The following PKD1L3 variants were observed in gnomAD, a reference collection of about 807,000 sequenced individuals.
PKD1L3 encodes polycystin-1-like protein 3.
A neutral mutation model predicts 184.1 loss-of-function variants in PKD1L3; 239 were observed. That is an observed-to-expected ratio of 1.30 (90% CI 1.17 to 1.45). The LOEUF (loss-of-function observed/expected upper bound fraction) is 1.45, where lower values mean the gene tolerates loss of function less well. Ranked by LOEUF, PKD1L3 falls within the 40% of genes most tolerant of loss-of-function variation. PKD1L3 has a pLI of 0.00. For synonymous variants in PKD1L3, 996 were observed against 778.8 expected (o/e 1.28, Z -4.64); for missense variants, 2,660 against 2,067.2 (o/e 1.29, Z -5.56).
chr16:71,966,922 C>T (rs905869560), intron 15 of PKD1L3, among the ~76,000 whole-genome samples: 3 of 152,130 alleles, frequency 2.0e-5, no homozygotes, highest in African/African-American at 7.2e-5. Context: ...GAAAACAAAA[C>T]ATCTATTATT....
chr16:71,997,177 T>C (rs1469042786), intron 2 of PKD1L3, among the ~76,000 whole-genome samples: 2 of 152,182 alleles, frequency 1.3e-5, no homozygotes, highest in African/African-American at 2.4e-5. Context: ...TTTGTTCTGT[T>C]ATGAATAAAG....
In PKD1L3 at chr16:71,999,674, A is replaced by T. The variant is rs773083573; in HGVS notation, c.295+10T>A. ...GTTTCCTTCATAAACACTGAACCCCAGGGTCTTACCTGGGTATTTGTTGTC... is the reference window on the plus strand; with the variant it reads ...GTTTCCTTCATAAACACTGAACCCCTGGGTCTTACCTGGGTATTTGTTGTC... On this transcript the variant is annotated intron_variant, in intron 1 of 29. Coordinates refer to ENST00000620267, the MANE Select transcript of PKD1L3 (RefSeq NM_181536.2). 2 of 1,518,574 alleles carry T rather than the reference A, an allele frequency of 1.3e-6. No homozygotes were observed. The highest frequency in any genetic ancestry group is 2.8e-5 in the African/African-American group (2 of 72,018). 94.1% of individuals were successfully genotyped at this position (1,518,574 alleles called of 1,614,324 possible).
chr16:71,934,041 CTG>C lies in PKD1L3; in HGVS notation c.4696_4697del (p.Gln1566ValfsTer8), dbSNP rs1239396746. 9.7e-5 allele frequency: 151 copies of C among 1,551,700 alleles called. 1 individual carries two copies. Among genetic ancestry groups the C allele is most frequent in the Middle Eastern group, 1.7e-4 (1 of 6,014 alleles). On this transcript the variant is annotated frameshift_variant, in exon 27 of 30. Transcript: ENST00000620267. LOFTEE classifies it high-confidence loss of function. Reference protein sequence around the residue: ...VGFPVLLATVQLWNLLRHSPR... With the variant: ...VGFPVLLATVXLWNLLRHSPR... The stretch of plus-strand genomic sequence containing the variant: ...GGCTATGACGCAGCAGGTTCCATAA[CTG>C]AACAGTTGCCAGGAGAACCGGGAAG...
At chr16:71,980,814 A>G (rs1483001293) in intron 7 of PKD1L3, among the ~76,000 whole-genome samples, 3 of 152,156 alleles carry the variant, frequency 2.0e-5, no homozygotes, top group Non-Finnish European at 2.9e-5. Flanking sequence ...CAGCCTGGGC[A>G]ACAGAGCGAG....
At position 71,942,577 on chromosome 16, in the gene PKD1L3, A is replaced by C; in HGVS notation, c.4307T>G (p.Phe1436Cys). Residue 1436 changes from phenylalanine to cysteine, a missense_variant, in exon 24 of 30, where the codon TTC becomes TGC. Coordinates refer to ENST00000620267, the MANE Select transcript of PKD1L3 (RefSeq NM_181536.2). The stretch of plus-strand genomic sequence containing the variant: ...CCAGTTACCTCTCATGATGTAACTG[A>C]ATCCATTCTCATTCTTGCTTGTCAG... ...ERLTSKNENGFSYIMRGAFFT... is the reference protein window; with the variant it reads ...ERLTSKNENGCSYIMRGAFFT... The C allele has an allele frequency of 7.1e-6, 11 of 1,551,504 alleles. No individual in the cohort carries two copies. Among genetic ancestry groups the C allele is most frequent in the Non-Finnish European group, 9.6e-6 (11 of 1,146,892 alleles).
chr16:71,947,150 C>T (rs1237223419), intron 22 of PKD1L3, among the ~76,000 whole-genome samples: 1 of 151,840 alleles, frequency 6.6e-6, no homozygotes, highest in African/African-American at 2.4e-5. Flanking sequence ...CCCAGCTACT[C>T]GGAGGCTGAG....
At chr16:71,980,185 G>A (rs980230229) in intron 7 of PKD1L3, 51 bp from the exon 8 acceptor site, 1 of 1,526,110 alleles carries the variant, frequency 6.6e-7, no homozygotes, top group African/African-American at 1.4e-5. Context: ...AGTGTCTTAT[G>A]TTAGTAAAAT....
chr16:71,936,819 G>T (rs549472023), intron 25 of PKD1L3, among the ~76,000 whole-genome samples: 15 of 151,944 alleles, frequency 9.9e-5, no homozygotes, highest in Non-Finnish European at 1.9e-4. Context: ...TACTTGCTTG[G>T]TATTACTTCA....
intron 18 of PKD1L3, 90 bp downstream of exon 18, chr16:71,952,804 C>T: frequency 7.4e-7 from 1 of 1,354,730 alleles, no homozygotes; most frequent in Non-Finnish European, 9.9e-7. Flanking sequence ...CACCACTACA[C>T]TCCAGTCTGT....
intron 24 of PKD1L3, among the ~76,000 whole-genome samples, chr16:71,938,836 C>G (rs1224394395): frequency 6.6e-6 from 1 of 152,226 alleles, no homozygotes; most frequent in African/African-American, 2.4e-5. Context: ...CTCCACCTCT[C>G]TCACCCTCCA....
chr16:71,948,161 A>G (rs779336778), intron 21 of PKD1L3, among the ~76,000 whole-genome samples: 41 of 152,064 alleles, frequency 2.7e-4, no homozygotes, highest in African/African-American at 8.9e-4. Context: ...GGCTCAGTGC[A>G]ACCTCTGCCT....
intron 7 of PKD1L3, among the ~76,000 whole-genome samples, chr16:71,981,704 C>T (rs1006675788): frequency 2.0e-5 from 3 of 152,012 alleles, no homozygotes; most frequent in Non-Finnish European, 4.4e-5. Context: ...CAATGCCTGG[C>T]TCATTTTTGT....
At chr16:71,945,264 A>ATATAT (rs2038525089) in intron 22 of PKD1L3, among the ~76,000 whole-genome samples, 1 of 93,524 alleles carries the variant, frequency 1.1e-5, no homozygotes, top group Non-Finnish European at 2.1e-5. Context: ...TGAATTTCTT[A>ATATAT]ACTATATATA....
At chr16:71,998,642 G>T (rs184660949) in intron 1 of PKD1L3, among the ~76,000 whole-genome samples, 1 of 151,986 alleles carries the variant, frequency 6.6e-6, no homozygotes, top group African/African-American at 2.4e-5. Context: ...GTAGAGATGG[G>T]GTTTCACCAT....
intron 16 of PKD1L3, 74 bp from the exon 17 acceptor site, chr16:71,954,375 C>T: frequency 8.0e-7 from 1 of 1,246,596 alleles, no homozygotes; most frequent in South Asian, 1.6e-5. Context: ...ATGTGATTTG[C>T]CCAGCAACAA....
At chr16:71,965,360 G>A (rs1046494663) in intron 15 of PKD1L3, among the ~76,000 whole-genome samples, 1 of 152,136 alleles carries the variant, frequency 6.6e-6, no homozygotes, top group Non-Finnish European at 1.5e-5. Flanking sequence ...AGGTCTTGCA[G>A]TGGACACATG....
intron 4 of PKD1L3, among the ~76,000 whole-genome samples, chr16:71,988,586 T>C (rs1239290066): frequency 1.3e-5 from 2 of 152,304 alleles, no homozygotes; most frequent in South Asian, 4.1e-4. Context: ...TTGGGACCTG[T>C]GAAAGACTGC....
chr16:71,986,185 A>G, intron 5 of PKD1L3, 36 bp downstream of exon 5: 1 of 1,547,782 alleles, frequency 6.5e-7, no homozygotes, highest in Non-Finnish European at 8.7e-7. Flanking sequence ...TTTGGGGGTC[A>G]CAAAGCTACC....
rs373535530 is a variant in PKD1L3, at chr16:71,992,571, A to G, written c.535+645T>C. 1.8e-4 allele frequency among the ~76,000 whole-genome samples: 28 copies of G among 152,316 alleles called. No individual in the cohort carries two copies. In the East Asian group the frequency reaches 3.9e-3, roughly 21 times the overall value. On this transcript the variant is annotated intron_variant, in intron 3 of 29. Coordinates refer to ENST00000620267, the MANE Select transcript of PKD1L3 (RefSeq NM_181536.2). ...TTTACTTCCACCTAATGCTATCACTAAACATTTTCCTACAACTCACAAGTC... is the reference window on the plus strand; with the variant it reads ...TTTACTTCCACCTAATGCTATCACTGAACATTTTCCTACAACTCACAAGTC...
Sources: allele counts gnomAD v4.1 joint callset (sites outside exome capture counted in the v4.1 genomes callset), GRCh38; gene constraint gnomAD v4.1.1; transcripts MANE v1.5; gene names NCBI Gene and HGNC (gene_info 2026-07-23, HGNC 2026-07-21).